LRRC61: variants seen among roughly 807,000 people sequenced by gnomAD.
The protein encoded by LRRC61 is leucine-rich repeat-containing protein 61.
LRRC61 carries 9 observed loss-of-function variants against 15.1 expected under a neutral mutation model. The ratio of observed to expected loss-of-function variants is 0.60; its 90% CI spans 0.36 to 1.04. The LOEUF is 1.04. LRRC61 is among the 50% of genes least tolerant of loss of function. The pLI, the probability that LRRC61 is intolerant of heterozygous loss-of-function variation, is 0.01. For synonymous variants in LRRC61, 173 were observed against 158.6 expected (o/e 1.09, Z -0.68); for missense variants, 344 against 335.6 (o/e 1.03, Z -0.20).
At chr7:150,331,004 G>C (rs1296094163) in intron 2 of LRRC61, 1 of 1,611,906 alleles carries the variant, frequency 6.2e-7, no homozygotes, top group African/African-American at 1.3e-5. Flanking sequence ...AGAAGTATCT[G>C]TGGGAGAATG....
chr7:150,335,604 GA>G lies in LRRC61; in HGVS notation c.-144-1110del, dbSNP rs1461478947. On this transcript the variant is annotated intron_variant, in intron 2 of 2. Transcript: ENST00000359623. This position sits in a 1 kb window ranked among gnomAD's most constrained non-coding sequence, Gnocchi z 4.3. ...CTGGTTTCCTTGGAGAGGGGAAAAT[GA>G]AAAGTGTTGATATGTAAACTCAGTC... 1.3e-5 allele frequency among the ~76,000 whole-genome samples: 2 copies of G among 152,164 alleles called. No homozygotes were observed. Among genetic ancestry groups the G allele is most frequent in the East Asian group, 3.9e-4 (2 of 5,192 alleles).
At chr7:150,313,640 GT>G in the LRRC61 span, among the ~76,000 whole-genome samples, 3 of 152,180 alleles carry the variant, frequency 2.0e-5, no homozygotes, top group Non-Finnish European at 2.9e-5. Flanking sequence ...GTCTGAACCA[GT>G]TTTTTTCACG....
At position 150,333,025 on chromosome 7, in the gene LRRC61, G is replaced by A. The variant is rs1399286004; in HGVS notation, c.-144-3693G>A. On this transcript the variant is annotated intron_variant, in intron 2 of 2. Transcript: ENST00000359623. The surrounding 1 kb of genome is among the most constrained non-coding windows in gnomAD (Gnocchi z 4.3). ...ATCCTCAGGTTGCCTTGGGCAGCGT[G>A]CGTGACTGTGCTTCCATCCTTGAGC... Among the ~76,000 whole-genome samples the A allele has an allele frequency of 2.3e-4, 35 of 152,224 alleles. No individual in the cohort carries two copies. Among genetic ancestry groups the A allele is most frequent in the Admixed American group, 2.3e-3 (35 of 15,284 alleles).
At position 150,330,791 on chromosome 7, in the gene LRRC61, G is replaced by A; in HGVS notation, c.-145+4781G>A. 13 of 1,613,404 alleles carry A rather than the reference G, an allele frequency of 8.1e-6. No homozygotes were observed. Among genetic ancestry groups the A allele is most frequent in the Non-Finnish European group, 1.1e-5 (13 of 1,179,828 alleles). On this transcript the variant is annotated intron_variant, in intron 2 of 2. Coordinates refer to ENST00000359623, the MANE Select transcript of LRRC61 (RefSeq NM_001142928.2). This position sits in a 1 kb window ranked among gnomAD's most constrained non-coding sequence, Gnocchi z 4.6. ...GTCCCCTGCAAAGCCCCAGGGGTCT[G>A]TGCGTGGACCCCACCAGGGTAGCCA...
chr7:150,330,664 C>A lies in LRRC61; in HGVS notation c.-145+4654C>A. ...CCTTGCTTCAAGGGGAAGATTGAGG[C>A]CATCCTGCCATGGGGGCCGACCGAC... On this transcript the variant is annotated intron_variant, in intron 2 of 2. Coordinates refer to ENST00000359623, the MANE Select transcript of LRRC61 (RefSeq NM_001142928.2). The surrounding 1 kb of genome is among the most constrained non-coding windows in gnomAD (Gnocchi z 4.6). The A allele has an allele frequency of 1.7e-6, 2 of 1,165,180 alleles. No homozygotes were observed. The highest frequency in any genetic ancestry group is 2.6e-6 in the Non-Finnish European group (2 of 769,902). 72.2% of individuals were successfully genotyped at this position (1,165,180 alleles called of 1,614,324 possible).
the LRRC61 span, among the ~76,000 whole-genome samples, chr7:150,310,809 A>C: frequency 0.041 from 6,188 of 152,112 alleles, 420 homozygotes; most frequent in African/African-American, 0.14. Flanking sequence ...ATGTTGATGA[A>C]CTTCTTCTTT....
chr7:150,332,696 TTAAA>T (rs1257273533), intron 2 of LRRC61: 2 of 167,120 alleles, frequency 1.2e-5, no homozygotes, highest in African/African-American at 2.4e-5. Flanking sequence ...ATTGCACCTG[TTAAA>T]TAAAGTTTTG....
At chr7:150,320,592 G>A (rs898544908), upstream of LRRC61, among the ~76,000 whole-genome samples, 5 of 152,226 alleles carry the variant, frequency 3.3e-5, no homozygotes, top group African/African-American at 1.2e-4. Context: ...GCAAAACCCC[G>A]TCTCTACTAA....
chr7:150,337,116 T>A lies in LRRC61; in HGVS notation c.255T>A (p.Asn85Lys), dbSNP rs1163050117. 6 of 1,612,254 alleles carry A rather than the reference T, an allele frequency of 3.7e-6. No individual in the cohort carries two copies. Among genetic ancestry groups the A allele is most frequent in the Non-Finnish European group, 5.1e-6 (6 of 1,179,862 alleles). Residue 85 changes from asparagine (N) to lysine (K), a missense_variant, in exon 3 of 3, where the codon AAT becomes AAA. Asn to Lys is a moderately conservative substitution (Grantham distance 94, BLOSUM62 0). Coordinates refer to ENST00000359623, the MANE Select transcript of LRRC61 (RefSeq NM_001142928.2). ...TAGCTGTGCTCAATGTCTCCAACAA[T>A]CGGCTGACGGGCCTGGAGCCACTGG... is the stretch of plus-strand genomic sequence containing the variant. Reference protein sequence around the residue: ...RQLAVLNVSNNRLTGLEPLAT... With the variant: ...RQLAVLNVSNKRLTGLEPLAT...
chr7:150,336,261 G>A (rs1195111104), intron 2 of LRRC61, among the ~76,000 whole-genome samples: 8 of 152,188 alleles, frequency 5.3e-5, no homozygotes, highest in Non-Finnish European at 8.8e-5. Context: ...ATCAAACAAG[G>A]CACATGTGCT....
rs1798347209 is a variant in LRRC61 at position 150,337,560 on chromosome 7, G to C, written c.699G>C (p.Leu233=). ...FQDTLQECWD[L]DRQASDSLAQ... ...ACACACTGCAGGAGTGCTGGGACCTGGACCGCCAGGCCAGCGACAGCCTGG... is the reference window on the plus strand; with the variant it reads ...ACACACTGCAGGAGTGCTGGGACCTCGACCGCCAGGCCAGCGACAGCCTGG... The change falls in exon 3 of 3, where the codon CTG becomes CTC. Residue 233 remains leucine (L), a synonymous_variant. Coordinates refer to ENST00000359623, the MANE Select transcript of LRRC61 (RefSeq NM_001142928.2). 1 of 1,594,152 alleles carries C rather than the reference G, an allele frequency of 6.3e-7. No individual in the cohort carries two copies. The highest frequency in any genetic ancestry group is 1.3e-5 in the African/African-American group (1 of 74,482).
the LRRC61 span, among the ~76,000 whole-genome samples, chr7:150,313,159 T>C: frequency 6.6e-6 from 1 of 152,342 alleles, no homozygotes; most frequent in East Asian, 1.9e-4. Context: ...CCTATAAAGC[T>C]GCCTCTCTCC....
At chr7:150,311,303 A>G in the LRRC61 span, among the ~76,000 whole-genome samples, 2 of 152,134 alleles carry the variant, frequency 1.3e-5, no homozygotes, top group Non-Finnish European at 2.9e-5. Flanking sequence ...CAGGCCCACA[A>G]TCTATAGCCT....
At position 150,323,383 on chromosome 7, in the gene LRRC61, C is replaced by A. The variant is rs1477010090; in HGVS notation, c.-492C>A. 3 of 295,212 alleles carry A rather than the reference C, an allele frequency of 1.0e-5. No homozygotes were observed. The highest frequency in any genetic ancestry group is 2.0e-5 in the Non-Finnish European group (3 of 152,714). 18.3% of individuals were successfully genotyped at this position (295,212 alleles called of 1,614,324 possible). A position where few individuals can be genotyped will look rare whatever the true frequency, so the allele number is the denominator to read the frequency against. On this transcript the variant is annotated 5_prime_UTR_variant, in exon 1 of 3. Transcript: ENST00000359623. ...CTCAGGCCTGCGGCGCTGGGAGAAG[C>A]ACGCTGGCCAACAAGTTGGGTGGTG...
At chr7:150,327,995 G>A (rs1797998811) in intron 2 of LRRC61, among the ~76,000 whole-genome samples, 1 of 152,204 alleles carries the variant, frequency 6.6e-6, no homozygotes, top group African/African-American at 2.4e-5. Context: ...CAATAAAGCA[G>A]TGTCTTAAGT....
At chr7:150,325,683 C>T (rs963176682) in intron 1 of LRRC61, among the ~76,000 whole-genome samples, 158 bp from the exon 2 acceptor site, 1 of 152,184 alleles carries the variant, frequency 6.6e-6, no homozygotes, top group Admixed American at 6.5e-5. Flanking sequence ...CTTGCCCAAG[C>T]TGGTCTCAAC....
chr7:150,331,276 G>C, intron 2 of LRRC61: 1 of 710,672 alleles, frequency 1.4e-6, no homozygotes, highest in East Asian at 2.7e-5. Flanking sequence ...CCTGGCCAAG[G>C]GGATACAGAC....
Position 150,337,482 on chromosome 7 carries a change from C to G in LRRC61, c.621C>G (p.Ser207=). ...QPWVEPGYWE[S]WPSRSSSILE... is the part of the protein sequence containing the mutation. ...GGGTGGAGCCAGGCTACTGGGAGTC[C>G]TGGCCCAGCCGGAGCAGCTCCATCC... is the stretch of plus-strand genomic sequence containing the variant. Residue 207 remains serine (S), a synonymous_variant, in exon 3 of 3, where the codon TCC becomes TCG. Coordinates refer to ENST00000359623, the MANE Select transcript of LRRC61 (RefSeq NM_001142928.2). 1.2e-6 allele frequency: 2 copies of G among 1,602,736 alleles called. No homozygotes were observed. The highest frequency in any genetic ancestry group is 1.7e-6 in the Non-Finnish European group (2 of 1,179,342).
At chr7:150,319,766 GT>G (rs1239323102), upstream of LRRC61, among the ~76,000 whole-genome samples, 4 of 152,328 alleles carry the variant, frequency 2.6e-5, no homozygotes, top group East Asian at 7.7e-4. Flanking sequence ...CCGAGACAGA[GT>G]TAGCAGCTAA....
Sources: allele counts gnomAD v4.1 joint callset (sites outside exome capture counted in the v4.1 genomes callset), GRCh38; gene constraint gnomAD v4.1.1; non-coding constraint Gnocchi (gnomAD v3.1); transcripts MANE v1.5; gene names NCBI Gene and HGNC (gene_info 2026-07-23, HGNC 2026-07-21).